Variants in TRIM47 observed in about 807,000 individuals in gnomAD.
The protein encoded by TRIM47 is E3 ubiquitin-protein ligase TRIM47.
A neutral mutation model predicts 54.4 loss-of-function variants in TRIM47; 46 were observed. The ratio of observed to expected loss-of-function variants is 0.84; its 90% CI spans 0.67 to 1.08. The LOEUF is 1.08. TRIM47 is among the 50% of genes least tolerant of loss of function. The pLI, the probability that TRIM47 is intolerant of heterozygous loss-of-function variation, is 0.00. For synonymous variants in TRIM47, 392 were observed against 410.2 expected, an observed-to-expected ratio of 0.96 and a Z score of 0.54; for missense variants, 825 against 910.1, an observed-to-expected ratio of 0.91 and a Z score of 1.20.
Position 75,878,476 on chromosome 17 carries a change from CG to C in TRIM47, c.72del (p.Cys24TrpfsTer154). ...AGGCAGGCGAGACAGAAGTTGTGGC[CG>C]CAGGGCAGCGTCACCGGCTCCCGGA... The part of the protein sequence containing the change: ...EPLREPVTLP[C>X]GHNFCLACLG... On this transcript the variant is annotated frameshift_variant, in exon 1 of 6. Coordinates refer to ENST00000254816, the MANE Select transcript of TRIM47 (RefSeq NM_033452.3). LOFTEE classifies it high-confidence loss of function. The C allele has an allele frequency of 7.1e-7, 1 of 1,402,790 alleles. No individual in the cohort carries two copies. Among genetic ancestry groups the C allele is most frequent in the South Asian group, 1.5e-5 (1 of 66,196 alleles). 86.9% of individuals were successfully genotyped at this position (1,402,790 alleles called of 1,614,324 possible). A position where few individuals can be genotyped will look rare whatever the true frequency, so the allele number is the denominator to read the frequency against.
In TRIM47 at chr17:75,875,799, C is replaced by T; in HGVS notation, c.1201+102G>A. 1 of 1,375,896 alleles carries T rather than the reference C, an allele frequency of 7.3e-7. No individual in the cohort carries two copies. The highest frequency in any genetic ancestry group is 9.8e-7 in the Non-Finnish European group (1 of 1,016,496). 85.2% of individuals were successfully genotyped at this position (1,375,896 alleles called of 1,614,324 possible). A position where few individuals can be genotyped will look rare whatever the true frequency, so the allele number is the denominator to read the frequency against. On this transcript the variant is annotated intron_variant, in intron 4 of 5. Transcript: ENST00000254816. This position sits in a 1 kb window ranked among gnomAD's most constrained non-coding sequence, Gnocchi z 6.1. The stretch of plus-strand genomic sequence containing the variant: ...GATTTGGGCTCCTCCCTGTGCCAGG[C>T]ACAATTTTCCTCCTCCACTTCTGGA...
In TRIM47 at chr17:75,875,609, G is replaced by T; in HGVS notation, c.1202-135C>A. The T allele has an allele frequency of 6.1e-6, 5 of 821,788 alleles. No individual in the cohort carries two copies. The highest frequency in any genetic ancestry group is 6.1e-6 in the Non-Finnish European group (3 of 493,742). 50.9% of individuals were successfully genotyped at this position (821,788 alleles called of 1,614,324 possible). ...AGCAAGCACCACCCAGATGTGGCAC[G>T]CTGTGCTCACACACATGCCCGTTGC... On this transcript the variant is annotated intron_variant, in intron 4 of 5. Coordinates refer to ENST00000254816, the MANE Select transcript of TRIM47 (RefSeq NM_033452.3). The surrounding 1 kb of genome is among the most constrained non-coding windows in gnomAD (Gnocchi z 6.1).
rs2065147532 is a variant in TRIM47, at chr17:75,878,187, G to A, written c.362C>T (p.Pro121Leu). The A allele has an allele frequency of 3.3e-6, 4 of 1,228,806 alleles. No individual in the cohort carries two copies. The highest frequency in any genetic ancestry group is 4.1e-6 in the Non-Finnish European group (4 of 986,358). 76.1% of individuals were successfully genotyped at this position (1,228,806 alleles called of 1,614,324 possible). A position where few individuals can be genotyped will look rare whatever the true frequency, so the allele number is the denominator to read the frequency against. The change falls in exon 1 of 6, where the codon CCC becomes CTC. Residue 121 changes from proline to leucine, a missense_variant. Transcript: ENST00000254816. Reference protein sequence around the residue: ...PSAPCAPEPWPAGEEPVRCDA... With the variant: ...PSAPCAPEPWLAGEEPVRCDA... ...GCAGCGCACTGGCTCTTCGCCCGCG[G>A]GCCACGGCTCGGGAGCGCAGGGGGC...
At position 75,878,441 on chromosome 17, in the gene TRIM47, G is replaced by C; in HGVS notation, c.108C>G (p.Leu36=). ...HNFCLACLGA[L]WPHRGASGAG... ...CTCCACTCGCGCCACGATGCGGCCA[G>C]AGCGCGCCCAGGCAGGCGAGACAGA... Residue 36 remains leucine (L), a synonymous_variant, in exon 1 of 6, where the codon CTC becomes CTG. Transcript: ENST00000254816. 7.0e-7 allele frequency: 1 copy of C among 1,429,208 alleles called. No individual in the cohort carries two copies. The highest frequency in any genetic ancestry group is 2.5e-5 in the Admixed American group (1 of 40,244). 88.5% of individuals were successfully genotyped at this position (1,429,208 alleles called of 1,614,324 possible).
In TRIM47 at chr17:75,875,896, C is replaced by G; in HGVS notation, c.1201+5G>C. On this transcript the variant is annotated splice_donor_5th_base_variant and intron_variant, in intron 4 of 5. Coordinates refer to ENST00000254816, the MANE Select transcript of TRIM47 (RefSeq NM_033452.3). This position sits in a 1 kb window ranked among gnomAD's most constrained non-coding sequence, Gnocchi z 6.1. ...GTCATCGGGGGGGCGTGGGGCGGTG[C>G]CCACCTTCCGAGTCCAGCTTCTGTG... The G allele has an allele frequency of 1.2e-6, 2 of 1,610,284 alleles. No homozygotes were observed. Among genetic ancestry groups the G allele is most frequent in the Non-Finnish European group, 1.7e-6 (2 of 1,179,256 alleles).
In TRIM47 at chr17:75,875,017, C is replaced by T. The variant is rs143007460; in HGVS notation, c.1383G>A (p.Ser461=). ...RVLCPINYPL[S]PTRFTHCEQV... Reference sequence around the variant, plus strand: ...GCTCACAATGGGTGAAGCGGGTGGGCGACAAGGGGTAGTTGATAGGACACA... The same window carrying T: ...GCTCACAATGGGTGAAGCGGGTGGGTGACAAGGGGTAGTTGATAGGACACA... The change falls in exon 6 of 6, where the codon TCG becomes TCA. Residue 461 remains serine, a synonymous_variant. Transcript: ENST00000254816. The surrounding 1 kb of genome is among the most constrained non-coding windows in gnomAD (Gnocchi z 6.1). The T allele has an allele frequency of 1.1e-3, 1,697 of 1,614,044 alleles. No homozygotes were observed. The highest frequency in any genetic ancestry group is 1.4e-3 in the Non-Finnish European group (1,629 of 1,179,978).
In TRIM47 at chr17:75,874,426, C is replaced by A. The variant is rs972491613; in HGVS notation, c.*57G>T. 6.8e-7 allele frequency: 1 copy of A among 1,471,194 alleles called. No homozygotes were observed. The highest frequency in any genetic ancestry group is 1.4e-5 in the African/African-American group (1 of 70,968). The allele number at this position is 1,471,194 out of a possible 1,614,324, so 91.1% of individuals were successfully genotyped here. The stretch of plus-strand genomic sequence containing the variant: ...GTGCCTTCCCAGACGAAGGAGAGGG[C>A]CCAGAGGAGGCAGCTTCCTGGAGCA... On this transcript the variant is annotated 3_prime_UTR_variant, in exon 6 of 6. Transcript: ENST00000254816. The surrounding 1 kb of genome is among the most constrained non-coding windows in gnomAD (Gnocchi z 6.2).
rs1216884444 is a variant in TRIM47 at position 75,874,787 on chromosome 17, G to C, written c.1613C>G (p.Ala538Gly). 1 of 1,614,002 alleles carries C rather than the reference G, an allele frequency of 6.2e-7. No individual in the cohort carries two copies. The highest frequency in any genetic ancestry group is 1.3e-5 in the African/African-American group (1 of 75,046). Residue 538 changes from alanine (A) to glycine (G), a missense_variant, in exon 6 of 6, where the codon GCT (alanine) becomes GGT (glycine). Coordinates refer to ENST00000254816, the MANE Select transcript of TRIM47 (RefSeq NM_033452.3). The surrounding 1 kb of genome is among the most constrained non-coding windows in gnomAD (Gnocchi z 6.2). ...SFSVWFHGLE[A>G]PLPHPFSPTV... is the part of the protein sequence containing the mutation. ...GGGCGAGAAGGGGTGGGGCAGGGGA[G>C]CCTCCAGCCCATGAAACCAGACGGA...
In TRIM47 at chr17:75,876,073, C is replaced by T; in HGVS notation, c.1029G>A (p.Leu343=). 1 of 1,601,524 alleles carries T rather than the reference C, an allele frequency of 6.2e-7. No homozygotes were observed. Among genetic ancestry groups the T allele is most frequent in the South Asian group, 1.1e-5 (1 of 91,084 alleles). The change falls in exon 4 of 6, where the codon CTG becomes CTA. Residue 343 remains leucine (L), a synonymous_variant. Transcript: ENST00000254816. ...LQELLALRLA[L]EDGCGPGPGP... ...CAGGCCCAGGGCCACACCCATCCTC[C>T]AGGGCCAGCCTTAGTGCCAGCAGCT...
At chr17:75,877,608 A>AC (rs1389391154) in intron 1 of TRIM47, 2 of 1,134,828 alleles carry the variant, frequency 1.8e-6, no homozygotes, top group Non-Finnish European at 2.2e-6. Flanking sequence ...TCCCGCCTAC[A>AC]CCCCCATAGA....
Position 75,877,895 on chromosome 17 carries a change from C to T in TRIM47, c.654G>A (p.Glu218=). ...CCACCTCCTGAAGCGCGCGCTCCTG[C>T]TCCAGCGGCACCAGCTCGTGGCCGC... ...EHRGHELVPL[E]QERALQEAEQ... is the part of the protein sequence containing the mutation. Residue 218 remains glutamate (E), a synonymous_variant, in exon 1 of 6, where the codon GAG becomes GAA. Transcript: ENST00000254816. 7.1e-7 allele frequency: 1 copy of T among 1,414,140 alleles called. No homozygotes were observed. 87.6% of individuals were successfully genotyped at this position (1,414,140 alleles called of 1,614,324 possible). A position where few individuals can be genotyped will look rare whatever the true frequency, so the allele number is the denominator to read the frequency against.
In TRIM47 at chr17:75,876,512, A is replaced by T. The variant is rs1208394311; in HGVS notation, c.772-20T>A. On this transcript the variant is annotated intron_variant, in intron 2 of 5. Transcript: ENST00000254816. Reference sequence around the variant, plus strand: ...TGCACTCTGCACAGGACGACAGTAGAGGGGGCAATGAGGGCAAAGAACCGT... The same window carrying T: ...TGCACTCTGCACAGGACGACAGTAGTGGGGGCAATGAGGGCAAAGAACCGT... 6.3e-7 allele frequency: 1 copy of T among 1,576,830 alleles called. No homozygotes were observed. The highest frequency in any genetic ancestry group is 8.6e-7 in the Non-Finnish European group (1 of 1,162,280).
Position 75,875,264 on chromosome 17 carries a change from C to T in TRIM47, c.1276+136G>A. The T allele has an allele frequency of 7.0e-7, 1 of 1,428,772 alleles. No homozygotes were observed. Among genetic ancestry groups the T allele is most frequent in the Non-Finnish European group, 9.6e-7 (1 of 1,038,956 alleles). 88.5% of individuals were successfully genotyped at this position (1,428,772 alleles called of 1,614,324 possible). On this transcript the variant is annotated intron_variant, in intron 5 of 5. Transcript: ENST00000254816. This position sits in a 1 kb window ranked among gnomAD's most constrained non-coding sequence, Gnocchi z 6.1. ...ACAACCCAGCCCCGCCGGGGACCAC[C>T]CCAGGAGCTGCCCTAGCTCTCCCCA...
Position 75,875,525 on chromosome 17 carries a change from A to T in TRIM47, c.1202-51T>A, listed in dbSNP as rs2065128305. On this transcript the variant is annotated intron_variant, in intron 4 of 5. Transcript: ENST00000254816. The surrounding 1 kb of genome is among the most constrained non-coding windows in gnomAD (Gnocchi z 6.1). The stretch of plus-strand genomic sequence containing the variant: ...AACGCCCCCAGACTGCCCCCCTCTG[A>T]ACCTGTGACTACAATCCCTACCCCC... The T allele has an allele frequency of 1.3e-6, 2 of 1,503,402 alleles. No individual in the cohort carries two copies. Among genetic ancestry groups the T allele is most frequent in the Non-Finnish European group, 1.8e-6 (2 of 1,081,774 alleles). The allele number at this position is 1,503,402 out of a possible 1,614,324, so 93.1% of individuals were successfully genotyped here.
chr17:75,876,170 T>A, intron 3 of TRIM47, 71 bp from the exon 4 acceptor site: 1 of 1,573,818 alleles, frequency 6.4e-7, no homozygotes, highest in South Asian at 1.1e-5. Context: ...GAGGCAGCTC[T>A]GCCAGGAAGT....
chr17:75,877,856 T>A lies in TRIM47; in HGVS notation c.675+18A>T. On this transcript the variant is annotated intron_variant, in intron 1 of 5. Transcript: ENST00000254816. ...GGTCACCAGCCCCGGCTCACCCGAG[T>A]GTGCCCCCGGAGCCCACCTCCTGAA... The A allele has an allele frequency of 7.6e-7, 1 of 1,310,828 alleles. No homozygotes were observed. 81.2% of individuals were successfully genotyped at this position (1,310,828 alleles called of 1,614,324 possible). A position where few individuals can be genotyped will look rare whatever the true frequency, so the allele number is the denominator to read the frequency against.
chr17:75,874,515 T>C lies in TRIM47; in HGVS notation c.1885A>G (p.Lys629Glu). 1 of 1,511,614 alleles carries C rather than the reference T, an allele frequency of 6.6e-7. No homozygotes were observed. Among genetic ancestry groups the C allele is most frequent in the Admixed American group, 2.3e-5 (1 of 43,920 alleles). The allele number at this position is 1,511,614 out of a possible 1,614,324, so 93.6% of individuals were successfully genotyped here. The change falls in exon 6 of 6, where the codon AAG becomes GAG. Residue 629 changes from lysine (K) to glutamate (E), a missense_variant. Coordinates refer to ENST00000254816, the MANE Select transcript of TRIM47 (RefSeq NM_033452.3). This position sits in a 1 kb window ranked among gnomAD's most constrained non-coding sequence, Gnocchi z 6.2. ...DAHLQIGPLK[K>E]SCISVLKRR ...CTCTTCAGCACGGATATGCAGGACT[T>C]CTTGAGGGGCCCGATCTGCAAGTGG...
Position 75,878,158 on chromosome 17 carries a change from C to T in TRIM47, c.391G>A (p.Ala131Thr), listed in dbSNP as rs1046968081. The T allele has an allele frequency of 2.6e-4, 319 of 1,239,260 alleles. No homozygotes were observed. The highest frequency in any genetic ancestry group is 3.1e-4 in the Non-Finnish European group (310 of 992,408). The allele number at this position is 1,239,260 out of a possible 1,614,324, so 76.8% of individuals were successfully genotyped here. Residue 131 changes from alanine to threonine, a missense_variant, in exon 1 of 6, where the codon GCG (alanine) becomes ACG (threonine). Ala to Thr is a moderately conservative substitution (Grantham distance 58). Coordinates refer to ENST00000254816, the MANE Select transcript of TRIM47 (RefSeq NM_033452.3). ...GGCAGGGCCGCGCCCTCGGGGCACG[C>T]GTCGCAGCGCACTGGCTCTTCGCCC... ...PAGEEPVRCDACPEGAALPAA... is the reference protein window; with the variant it reads ...PAGEEPVRCDTCPEGAALPAA...
chr17:75,876,200 C>T, intron 3 of TRIM47, 62 bp downstream of exon 3: 1 of 1,565,088 alleles, frequency 6.4e-7, no homozygotes, highest in Non-Finnish European at 8.6e-7. Flanking sequence ...ACTGCCTCCT[C>T]CTCCCTCCAC....
Sources: gnomAD v4.1 joint callset for allele counts on GRCh38, gnomAD v4.1.1 for gene constraint, Gnocchi (gnomAD v3.1) non-coding constraint, MANE v1.5 for transcripts, NCBI Gene and HGNC (gene_info 2026-07-23, HGNC 2026-07-21) for gene names.